The following WBP2NL variants were observed in gnomAD, a reference collection of about 807,000 sequenced individuals.
WBP2NL encodes the protein WBP2 N-terminal like.
In WBP2NL, 27 loss-of-function variants were observed where a neutral mutation model predicts 23.3. The observed-to-expected ratio is 1.16, with a 90% CI of 0.85 to 1.60. The LOEUF (loss-of-function observed/expected upper bound fraction) is 1.60. Among genes scored for constraint, WBP2NL ranks in the 40% most tolerant of loss-of-function variants. WBP2NL has a pLI of 0.00. For synonymous variants in WBP2NL, 151 were observed against 145.9 expected (o/e 1.03, Z -0.25); for missense variants, 370 against 389.5 (o/e 0.95, Z 0.42).
intron 8 of WBP2NL, among the ~76,000 whole-genome samples, chr22:42,038,963 T>G (rs1602476598): frequency 6.6e-6 from 1 of 151,808 alleles, no homozygotes; most frequent in South Asian, 2.1e-4. Flanking sequence ...TGCAGTGCAG[T>G]GGTATGATCA....
intron 8 of WBP2NL, among the ~76,000 whole-genome samples, chr22:42,041,589 C>T (rs1602478205): frequency 6.6e-6 from 1 of 151,462 alleles, no homozygotes. Context: ...ATCCCTTCAC[C>T]TTTAGTCTGA....
chr22:42,017,363 G>A, intron 1 of WBP2NL, among the ~76,000 whole-genome samples: 1 of 152,074 alleles, frequency 6.6e-6, no homozygotes, highest in Non-Finnish European at 1.5e-5. Flanking sequence ...GCCAGCCTCG[G>A]CCTCCCAAAG....
At chr22:42,044,535 G>T (rs1033773175) in intron 8 of WBP2NL, among the ~76,000 whole-genome samples, 1 of 152,210 alleles carries the variant, frequency 6.6e-6, no homozygotes, top group African/African-American at 2.4e-5. Context: ...AGGTACAGTG[G>T]CTCATGCCTG....
chr22:42,001,276 T>C (rs762530610), intron 1 of WBP2NL: 19 of 690,284 alleles, frequency 2.8e-5, no homozygotes, highest in Non-Finnish European at 4.0e-5. Context: ...TGGTGTTAAA[T>C]GAATAGGAAG....
intron 5 of WBP2NL, among the ~76,000 whole-genome samples, chr22:42,024,268 T>C (rs4822083): frequency 0.017 from 2,590 of 152,326 alleles, 265 homozygotes; most frequent in Admixed American, 0.15. Context: ...GTTTCCACCT[T>C]TTGGCTATTA....
At chr22:42,002,255 G>C (rs1027631892) in intron 1 of WBP2NL, among the ~76,000 whole-genome samples, 2 of 152,132 alleles carry the variant, frequency 1.3e-5, no homozygotes, top group South Asian at 2.1e-4. Flanking sequence ...TTCAAGTACT[G>C]TTCTTAGTTC....
At chr22:42,004,055 T>C (rs1211995970) in intron 1 of WBP2NL, among the ~76,000 whole-genome samples, 1 of 152,304 alleles carries the variant, frequency 6.6e-6, no homozygotes, top group East Asian at 1.9e-4. Context: ...GTGGGTCACT[T>C]GAGGTCAGGA....
At chr22:42,018,063 C>T (rs1923479735) in intron 1 of WBP2NL, among the ~76,000 whole-genome samples, 1 of 150,712 alleles carries the variant, frequency 6.6e-6, no homozygotes, top group South Asian at 2.1e-4. Flanking sequence ...GCAGGAGAAT[C>T]GTTTGAACCC....
chr22:42,029,415 A>T (rs1312098367), downstream of WBP2NL, among the ~76,000 whole-genome samples: 1 of 151,690 alleles, frequency 6.6e-6, no homozygotes, highest in African/African-American at 2.4e-5. Context: ...TTTATCACCC[A>T]GGCTGGAGTG....
intron 8 of WBP2NL, among the ~76,000 whole-genome samples, chr22:42,056,879 ATG>A (rs1367419143): frequency 1.3e-5 from 2 of 152,124 alleles, no homozygotes; most frequent in Non-Finnish European, 2.9e-5. Context: ...TTATTTTTAA[ATG>A]TACCCATTGC....
chr22:42,019,220 C>G, intron 1 of WBP2NL, 91 bp from the exon 2 acceptor site: 1 of 1,031,244 alleles, frequency 9.7e-7, no homozygotes. Context: ...GACTCTGTCT[C>G]AAAAAAAAAA....
In WBP2NL at chr22:42,001,547, A is replaced by G. The variant is rs1921684567; in HGVS notation, c.62+2667A>G. 9.0e-6 allele frequency: 10 copies of G among 1,116,474 alleles called. No individual in the cohort carries two copies. In the South Asian group the frequency reaches 1.0e-4, roughly 12 times the overall value. The allele number at this position is 1,116,474 out of a possible 1,614,324, so 69.2% of individuals were successfully genotyped here. On this transcript the variant is annotated intron_variant, in intron 1 of 5. Coordinates refer to ENST00000328823, the MANE Select transcript of WBP2NL (RefSeq NM_152613.3). ...TCCAGCTTTGCCCACATCAGCTGCTACACGAGTATGGGCAAAATCAAGAGG... is the reference window on the plus strand; with the variant it reads ...TCCAGCTTTGCCCACATCAGCTGCTGCACGAGTATGGGCAAAATCAAGAGG...
At chr22:42,045,686 A>G (rs549632146) in intron 8 of WBP2NL, among the ~76,000 whole-genome samples, 7 of 152,330 alleles carry the variant, frequency 4.6e-5, no homozygotes, top group South Asian at 2.1e-4. Flanking sequence ...CAATAGCCCT[A>G]TATGTATTTT....
intron 1 of WBP2NL, among the ~76,000 whole-genome samples, chr22:42,005,123 A>C (rs1158617565): frequency 6.6e-6 from 1 of 152,066 alleles, no homozygotes; most frequent in Non-Finnish European, 1.5e-5. Context: ...AGGCTGAGGC[A>C]GGAGAATCAC....
At chr22:42,056,954 T>C (rs974017121) in intron 8 of WBP2NL, among the ~76,000 whole-genome samples, 1 of 152,200 alleles carries the variant, frequency 6.6e-6, no homozygotes, top group Non-Finnish European at 1.5e-5. Context: ...CTCCCTTGTG[T>C]GATGAGTTGC....
chr22:42,049,695 CAAAACAAAACAAAAA>C (rs1171336867), intron 8 of WBP2NL, among the ~76,000 whole-genome samples: 50 of 22,872 alleles, frequency 2.2e-3, no homozygotes, highest in African/African-American at 5.5e-3. Context: ...GTCTCCAAAA[CAAAACAAAACAAAAA>C]AAAAAAAAAA....
rs182469286 is a variant in WBP2NL at position 42,001,580 on chromosome 22, A to G, written c.62+2700A>G. 106 of 1,132,146 alleles carry G rather than the reference A, an allele frequency of 9.4e-5. No individual in the cohort carries two copies. In the African/African-American group the frequency reaches 1.5e-3, roughly 16 times the overall value. The allele number at this position is 1,132,146 out of a possible 1,614,324, so 70.1% of individuals were successfully genotyped here. A position where few individuals can be genotyped will look rare whatever the true frequency, so the allele number is the denominator to read the frequency against. On this transcript the variant is annotated intron_variant, in intron 1 of 5. Transcript: ENST00000328823. ...ATGGGCAAAATCAAGAGGGTACACA[A>G]AACACAAGGATGTGGCCCCAGTGGC... is the stretch of plus-strand genomic sequence containing the variant.
Position 42,020,046 on chromosome 22 carries a change from A to G in WBP2NL, c.356A>G (p.Asn119Ser), listed in dbSNP as rs769189759. 2 of 1,614,182 alleles carry G rather than the reference A, an allele frequency of 1.2e-6. No homozygotes were observed. Among genetic ancestry groups the G allele is most frequent in the East Asian group, 2.2e-5 (1 of 44,886 alleles). Reference protein sequence around the residue: ...GQATFKLVFRNGDAIEFAQLM... With the variant: ...GQATFKLVFRSGDAIEFAQLM... ...GCTACTTTTAAATTAGTCTTCAGAAATGGAGATGCCATTGAATTTGCCCAG... is the reference window on the plus strand; with the variant it reads ...GCTACTTTTAAATTAGTCTTCAGAAGTGGAGATGCCATTGAATTTGCCCAG... The change falls in exon 4 of 6, where the codon AAT becomes AGT. Residue 119 changes from asparagine to serine, a missense_variant. Asn to Ser is a conservative substitution (Grantham distance 46). Coordinates refer to ENST00000328823, the MANE Select transcript of WBP2NL (RefSeq NM_152613.3).
Position 42,009,662 on chromosome 22 carries a change from T to G in WBP2NL, c.63-9649T>G, listed in dbSNP as rs76886334. On this transcript the variant is annotated intron_variant, in intron 1 of 5. Transcript: ENST00000328823. ...ATGTGAAGATTTGTTTCTATTCTAG[T>G]CCATTGGTTTGTTTATCTTTAATGC... is the stretch of plus-strand genomic sequence containing the variant. Among the ~76,000 whole-genome samples, 139 of 152,346 alleles carry G rather than the reference T, an allele frequency of 9.1e-4. 1 individual carries two copies. In the East Asian group the frequency reaches 0.023, roughly 25 times the overall value.
Sources: gnomAD v4.1 joint callset for allele counts (sites outside exome capture counted in the v4.1 genomes callset) on GRCh38, gnomAD v4.1.1 for gene constraint, MANE v1.5 for transcripts, NCBI Gene and HGNC (gene_info 2026-07-23, HGNC 2026-07-21) for gene names.